Variants in TENM4 observed in about 807,000 individuals in gnomAD.
TENM4 encodes teneurin-4.
Under a neutral mutation model 243.3 loss-of-function variants are expected in TENM4, and 82 were observed. The ratio of observed to expected loss-of-function variants is 0.34; its 90% CI spans 0.28 to 0.40. The LOEUF is 0.40. TENM4 is among the 10% of genes least tolerant of loss of function. The probability of loss-of-function intolerance (pLI) is 1.00; values close to 1 mark genes in which losing one functional copy is unlikely to be tolerated. For synonymous variants in TENM4, 1,412 were observed against 1,456.3 expected (o/e 0.97, Z 0.69); for missense variants, 3,138 against 3,673.3 (o/e 0.85, Z 3.77).
At chr11:78,827,430 C>T in intron 12 of TENM4, among the ~76,000 whole-genome samples, 1 of 152,036 alleles carries the variant, frequency 6.6e-6, no homozygotes, top group Non-Finnish European at 1.5e-5. Context: ...TCCTCTTTTC[C>T]CACTTATCCG....
At chr11:79,140,850 G>A (rs971929207) in intron 4 of TENM4, among the ~76,000 whole-genome samples, 5 of 152,048 alleles carry the variant, frequency 3.3e-5, no homozygotes, top group African/African-American at 1.2e-4. Flanking sequence ...CTGCTGCTCT[G>A]AGGGAAGCTG....
chr11:78,847,927 A>G (rs1858438597), intron 12 of TENM4, among the ~76,000 whole-genome samples: 1 of 152,184 alleles, frequency 6.6e-6, no homozygotes, highest in Non-Finnish European at 1.5e-5. Context: ...AGAGGCAAAT[A>G]CCCAATCAAA....
intron 6 of TENM4, among the ~76,000 whole-genome samples, chr11:78,962,664 G>C (rs1355761360): frequency 6.6e-6 from 1 of 152,246 alleles, no homozygotes; most frequent in Non-Finnish European, 1.5e-5. Flanking sequence ...GTCTAGTCCT[G>C]ACGGGGCTAG....
chr11:78,847,069 A>G (rs1397567664), intron 12 of TENM4, among the ~76,000 whole-genome samples: 3 of 152,162 alleles, frequency 2.0e-5, no homozygotes, highest in Non-Finnish European at 4.4e-5. Flanking sequence ...TGACATGCAG[A>G]CATAAGCCCC....
intron 12 of TENM4, among the ~76,000 whole-genome samples, chr11:78,843,330 T>A (rs552948530): frequency 5.9e-5 from 9 of 151,868 alleles, no homozygotes; most frequent in Middle Eastern, 6.8e-3. Flanking sequence ...AAAATAATTT[T>A]AAAAAATTTA....
chr11:79,240,304 C>T (rs566045915), intron 2 of TENM4, among the ~76,000 whole-genome samples: 1 of 152,296 alleles, frequency 6.6e-6, no homozygotes, highest in South Asian at 2.1e-4. Flanking sequence ...GGACTCTACC[C>T]TAACATTGGC....
chr11:79,200,687 G>C (rs1471258188), intron 3 of TENM4, among the ~76,000 whole-genome samples: 1 of 152,228 alleles, frequency 6.6e-6, no homozygotes, highest in African/African-American at 2.4e-5. Flanking sequence ...TTCAATTCTA[G>C]GCTGATCGTT....
intron 6 of TENM4, among the ~76,000 whole-genome samples, chr11:79,026,763 A>G (rs1859090710): frequency 6.6e-6 from 1 of 152,108 alleles, no homozygotes; most frequent in Non-Finnish European, 1.5e-5. Flanking sequence ...TGATCCCCAA[A>G]CCTTACAGAG....
rs1263718442 is a variant in TENM4 at position 79,132,365 on chromosome 11, GAAATGAGATAGAC to G, written c.-66+16332_-66+16344del. Among the ~76,000 whole-genome samples, 4 of 64,802 alleles carry G rather than the reference GAAATGAGATAGAC, an allele frequency of 6.2e-5. No individual in the cohort carries two copies. In the East Asian group the frequency reaches 7.3e-4, roughly 12 times the overall value. 42.5% of individuals were successfully genotyped at this position (64,802 alleles called of 152,430 possible). ...CAACTCAAAAAAAAAAAAAAAAAGA[GAAATGAGATAGAC>G]AGCAACACAATAATAGTGGGGGACT... On this transcript the variant is annotated intron_variant, in intron 4 of 33. Coordinates refer to ENST00000278550, the MANE Select transcript of TENM4 (RefSeq NM_001098816.3).
At chr11:79,002,617 C>G (rs1560996) in intron 6 of TENM4, among the ~76,000 whole-genome samples, 72,828 of 152,032 alleles carry the variant, frequency 0.48, 21,076 homozygotes, top group African/African-American at 0.83. Context: ...AACCCCCAAG[C>G]GCATCAAACA....
chr11:79,431,196 T>A (rs1243269980), intron 1 of TENM4, among the ~76,000 whole-genome samples: 1 of 152,248 alleles, frequency 6.6e-6, no homozygotes, highest in Non-Finnish European at 1.5e-5. Flanking sequence ...AAATATCTAC[T>A]TTTAAAAATA....
chr11:79,172,464 T>C (rs1387760109), intron 3 of TENM4, among the ~76,000 whole-genome samples: 1 of 152,014 alleles, frequency 6.6e-6, no homozygotes, highest in African/African-American at 2.4e-5. Flanking sequence ...AAAACATAGG[T>C]CATTCTCAAT....
In TENM4 at chr11:78,863,119, A is replaced by G. The variant is rs377185417; in HGVS notation, c.1098T>C (p.Phe366=). ...LLAYFVAMHL[F]GLNWHLQPME... ...TCGGCTGCAGGTGCCAGTTTAGGCC[A>G]AACAGGTGCATGGCTGTGGTGAGCA... The change falls in exon 10 of 34, where the codon TTT becomes TTC. Residue 366 remains phenylalanine, a synonymous_variant. Coordinates refer to ENST00000278550, the MANE Select transcript of TENM4 (RefSeq NM_001098816.3). 8 of 1,519,584 alleles carry G rather than the reference A, an allele frequency of 5.3e-6. No homozygotes were observed. The highest frequency in any genetic ancestry group is 2.5e-5 in the East Asian group (1 of 40,108). 94.1% of individuals were successfully genotyped at this position (1,519,584 alleles called of 1,614,324 possible).
chr11:79,079,480 C>T (rs975405865), intron 4 of TENM4, among the ~76,000 whole-genome samples: 1 of 152,196 alleles, frequency 6.6e-6, no homozygotes, highest in African/African-American at 2.4e-5. Context: ...TTCCTGCCCC[C>T]AAAGTCACGT....
chr11:78,942,055 A>C (rs934806389), intron 6 of TENM4, among the ~76,000 whole-genome samples: 1 of 150,946 alleles, frequency 6.6e-6, no homozygotes, highest in African/African-American at 2.4e-5. Flanking sequence ...CTGGAAGAAA[A>C]ATTGTCTTGG....
chr11:79,306,884 C>T (rs1856634388), intron 1 of TENM4, among the ~76,000 whole-genome samples: 1 of 151,592 alleles, frequency 6.6e-6, no homozygotes, highest in South Asian at 2.1e-4. Flanking sequence ...GATGTATGTC[C>T]TTCATTCAAA....
At chr11:79,228,654 AAAC>A (rs1171830217) in intron 2 of TENM4, among the ~76,000 whole-genome samples, 1 of 152,192 alleles carries the variant, frequency 6.6e-6, no homozygotes, top group Non-Finnish European at 1.5e-5. Context: ...ACGAAAAAAA[AAAC>A]AAGAAAATTT....
chr11:79,264,564 T>TC (rs1855852032), intron 2 of TENM4, among the ~76,000 whole-genome samples: 1 of 152,118 alleles, frequency 6.6e-6, no homozygotes, highest in African/African-American at 2.4e-5. Flanking sequence ...GGCCTCCTCT[T>TC]CCCCTCAGTG....
At chr11:78,862,094 T>C (rs1262906811) in intron 10 of TENM4, among the ~76,000 whole-genome samples, 1 of 152,178 alleles carries the variant, frequency 6.6e-6, no homozygotes, top group Non-Finnish European at 1.5e-5. Context: ...ACCATTTCCA[T>C]CATTGATAGG....
Sources: allele counts gnomAD v4.1 joint callset (sites outside exome capture counted in the v4.1 genomes callset), GRCh38; gene constraint gnomAD v4.1.1; transcripts MANE v1.5; gene names NCBI Gene and HGNC (gene_info 2026-07-23, HGNC 2026-07-21).